SLC4A10: variants seen among roughly 807,000 people sequenced by gnomAD.
SLC4A10 encodes sodium-driven chloride bicarbonate exchanger.
A neutral mutation model predicts 137.7 loss-of-function variants in SLC4A10; 42 were observed. That is an observed-to-expected ratio of 0.30 (90% confidence interval 0.24 to 0.39). SLC4A10 has a LOEUF of 0.39. Among genes scored for constraint, SLC4A10 ranks in the 10% least tolerant of loss-of-function variants. The probability of loss-of-function intolerance (pLI) is 1.00; values close to 1 mark genes in which losing one functional copy is unlikely to be tolerated. For synonymous variants in SLC4A10, 474 were observed against 464.1 expected, an observed-to-expected ratio of 1.02 and a Z score of -0.27; for missense variants, 925 against 1,355.0, an observed-to-expected ratio of 0.68 and a Z score of 4.98.
At chr2:161,948,627 G>T (rs1694259236) in intron 17 of SLC4A10, among the ~76,000 whole-genome samples, 2 of 152,052 alleles carry the variant, frequency 1.3e-5, no homozygotes, top group Non-Finnish European at 2.9e-5. Flanking sequence ...GGCTCACATA[G>T]AATAAATTTT....
At chr2:161,658,992 G>A (rs2037935802) in intron 1 of SLC4A10, among the ~76,000 whole-genome samples, 1 of 152,014 alleles carries the variant, frequency 6.6e-6, no homozygotes, top group Admixed American at 6.6e-5. Context: ...AAAACAGTGT[G>A]GAGATTTCTC....
At chr2:161,627,380 T>A (rs1350729862) in intron 1 of SLC4A10, among the ~76,000 whole-genome samples, 1 of 152,028 alleles carries the variant, frequency 6.6e-6, no homozygotes, top group Non-Finnish European at 1.5e-5. Context: ...GAGAGCCAAT[T>A]GGACAGGCAT....
intron 1 of SLC4A10, among the ~76,000 whole-genome samples, chr2:161,694,122 T>C (rs78597328): frequency 0.018 from 2,675 of 152,134 alleles, 79 homozygotes; most frequent in African/African-American, 0.06. Context: ...TTTGAGAACA[T>C]GTGTGACTTT....
chr2:161,689,976 A>C (rs2041820222), intron 1 of SLC4A10, among the ~76,000 whole-genome samples: 1 of 152,180 alleles, frequency 6.6e-6, no homozygotes, highest in East Asian at 1.9e-4. Context: ...TAGTGGATTC[A>C]TGGCATATAC....
intron 1 of SLC4A10, among the ~76,000 whole-genome samples, chr2:161,673,117 A>T (rs1048077843): frequency 1.3e-5 from 2 of 152,230 alleles, no homozygotes; most frequent in South Asian, 2.1e-4. Flanking sequence ...TGCCCAGCTA[A>T]CACTCTTGTT....
chr2:161,775,497 C>G (rs2052209527), intron 2 of SLC4A10, among the ~76,000 whole-genome samples: 1 of 151,830 alleles, frequency 6.6e-6, no homozygotes, highest in Non-Finnish European at 1.5e-5. Context: ...AACCCATTGA[C>G]CAGGAAGTGG....
intron 2 of SLC4A10, among the ~76,000 whole-genome samples, chr2:161,800,200 T>A (rs953600379): frequency 6.6e-6 from 1 of 152,092 alleles, no homozygotes; most frequent in Admixed American, 6.6e-5. Flanking sequence ...TGCAGAAGCA[T>A]GAAAACATTT....
chr2:161,796,146 C>T (rs2054749011), intron 2 of SLC4A10, among the ~76,000 whole-genome samples: 1 of 151,994 alleles, frequency 6.6e-6, no homozygotes, highest in African/African-American at 2.4e-5. Context: ...ATATCCTGTC[C>T]ATCTGTATTT....
At chr2:161,756,510 G>T (rs1281392266) in intron 1 of SLC4A10, among the ~76,000 whole-genome samples, 1 of 152,154 alleles carries the variant, frequency 6.6e-6, no homozygotes, top group South Asian at 2.1e-4. Context: ...TTTTTAGGAT[G>T]AGTCAGGACC....
chr2:161,663,873 G>T (rs753241231), intron 1 of SLC4A10, among the ~76,000 whole-genome samples: 2 of 151,950 alleles, frequency 1.3e-5, no homozygotes, highest in East Asian at 3.8e-4. Flanking sequence ...AAGAATTTTT[G>T]ATGTTTATGT....
intron 1 of SLC4A10, among the ~76,000 whole-genome samples, chr2:161,695,815 T>C (rs147133814): frequency 1.3e-5 from 2 of 152,164 alleles, no homozygotes; most frequent in Admixed American, 1.3e-4. Context: ...TCTACGACAA[T>C]AAACACTAAA....
chr2:161,700,761 G>C (rs182859423), intron 1 of SLC4A10, among the ~76,000 whole-genome samples: 1 of 152,110 alleles, frequency 6.6e-6, no homozygotes, highest in East Asian at 1.9e-4. Flanking sequence ...GACTCAAAAG[G>C]CATCAGAATA....
chr2:161,642,273 A>G (rs1044946701), intron 1 of SLC4A10, among the ~76,000 whole-genome samples: 6 of 151,920 alleles, frequency 3.9e-5, no homozygotes, highest in Non-Finnish European at 7.4e-5. Context: ...CTAGAACCTA[A>G]CTTTCATAGT....
intron 1 of SLC4A10, among the ~76,000 whole-genome samples, chr2:161,753,104 C>T (rs2049170505): frequency 6.6e-6 from 1 of 151,980 alleles, no homozygotes; most frequent in African/African-American, 2.4e-5. Flanking sequence ...TGCAGAGAAA[C>T]AATTTATTTA....
chr2:161,675,025 C>T (rs921908255), intron 1 of SLC4A10, among the ~76,000 whole-genome samples: 6 of 152,170 alleles, frequency 3.9e-5, no homozygotes, highest in African/African-American at 1.2e-4. Context: ...ATAAAAACTT[C>T]TTAACACAGT....
At chr2:161,753,868 T>TTATC (rs1192285160) in intron 1 of SLC4A10, among the ~76,000 whole-genome samples, 1 of 145,160 alleles carries the variant, frequency 6.9e-6, no homozygotes, top group African/African-American at 2.6e-5. Context: ...ATTTATTTAT[T>TTATC]TATTTATTTA....
intron 3 of SLC4A10, among the ~76,000 whole-genome samples, chr2:161,830,806 AAGAT>A (rs1393313026): frequency 3.3e-5 from 5 of 152,314 alleles, no homozygotes; most frequent in Non-Finnish European, 5.9e-5. Flanking sequence ...TTCTAGCAAA[AAGAT>A]AGATGCAAAA....
At chr2:161,733,759 C>T (rs931138124) in intron 1 of SLC4A10, among the ~76,000 whole-genome samples, 1 of 152,162 alleles carries the variant, frequency 6.6e-6, no homozygotes, top group Non-Finnish European at 1.5e-5. Flanking sequence ...TCAATGCCAA[C>T]CCGTGAAAGC....
rs549021984 is a variant in SLC4A10 at position 161,926,964 on chromosome 2, C to A, written c.1998-15828C>A. Among the ~76,000 whole-genome samples, 13 of 152,102 alleles carry A rather than the reference C, an allele frequency of 8.5e-5. No individual in the cohort carries two copies. The East Asian group carries it at 2.5e-3, about 29-fold the overall frequency. On this transcript the variant is annotated intron_variant, in intron 15 of 26. Transcript: ENST00000446997. Reference sequence around the variant, plus strand: ...GATGGGCTTCCCTTTGTGGGTAACCCAACCTTTCTCTCTGGCTGCCCTTAA... The same window carrying A: ...GATGGGCTTCCCTTTGTGGGTAACCAAACCTTTCTCTCTGGCTGCCCTTAA...
Sources: allele counts gnomAD v4.1 joint callset (sites outside exome capture counted in the v4.1 genomes callset), GRCh38; gene constraint gnomAD v4.1.1; transcripts MANE v1.5; gene names NCBI Gene and HGNC (gene_info 2026-07-23, HGNC 2026-07-21).